Variants in MYPN observed in about 807,000 individuals in gnomAD.
MYPN encodes the protein sarcomeric protein myopalladin, 145 kDa (MYOP).
A neutral mutation model predicts 129.4 loss-of-function variants in MYPN; 63 were observed. The observed-to-expected ratio is 0.49, with a 90% CI of 0.40 to 0.60. MYPN has a LOEUF of 0.60. Ranked by LOEUF, MYPN falls within the 20% of genes least tolerant of loss-of-function variation. The pLI is 0.00. For synonymous variants in MYPN, 629 were observed against 600.9 expected (o/e 1.05, Z -0.68); for missense variants, 1,596 against 1,635.4 (o/e 0.98, Z 0.42).
chr10:68,187,379 A>C (rs551627723), intron 12 of MYPN, among the ~76,000 whole-genome samples: 1 of 152,176 alleles, frequency 6.6e-6, no homozygotes, highest in South Asian at 2.1e-4. Flanking sequence ...TATAGTATAC[A>C]ATAATTTTGC....
chr10:68,197,140 G>T (rs149742609), intron 15 of MYPN, among the ~76,000 whole-genome samples: 1 of 151,860 alleles, frequency 6.6e-6, no homozygotes, highest in Non-Finnish European at 1.5e-5. Flanking sequence ...TGCAGATCTC[G>T]CAAGACAATC....
chr10:68,172,663 T>C (rs899190826), intron 10 of MYPN, among the ~76,000 whole-genome samples: 1 of 152,218 alleles, frequency 6.6e-6, no homozygotes, highest in African/African-American at 2.4e-5. Flanking sequence ...TGCTTCCAGT[T>C]TGATCTTTCT....
At chr10:68,175,155 A>C (rs1001155995) in intron 11 of MYPN, among the ~76,000 whole-genome samples, 168 bp from the exon 12 acceptor site, 12 of 152,102 alleles carry the variant, frequency 7.9e-5, no homozygotes, top group African/African-American at 2.9e-4. Flanking sequence ...TTTAAATTAA[A>C]GTATCAAAAA....
chr10:68,135,445 C>T (rs2134038813), intron 2 of MYPN: 1 of 971,544 alleles, frequency 1.0e-6, no homozygotes, highest in South Asian at 4.8e-5. Context: ...ATCTTATTGT[C>T]CGATATATTC....
At chr10:68,191,498 G>A (rs1589604769) in intron 13 of MYPN, among the ~76,000 whole-genome samples, 1 of 152,180 alleles carries the variant, frequency 6.6e-6, no homozygotes. Context: ...GAATACAGGC[G>A]TGAGCCACCA....
chr10:68,190,646 TTTG>T (rs1309150384), intron 13 of MYPN, among the ~76,000 whole-genome samples: 2 of 152,256 alleles, frequency 1.3e-5, no homozygotes, highest in African/African-American at 4.8e-5. Flanking sequence ...GTCTCTTCAC[TTTG>T]TTAATTGTTT....
chr10:68,174,717 A>G lies in MYPN; in HGVS notation c.2564+61A>G, dbSNP rs1048071294. 1.0e-5 allele frequency: 15 copies of G among 1,461,650 alleles called. No homozygotes were observed. The African/African-American group carries it at 2.1e-4, about 20-fold the overall frequency. The allele number at this position is 1,461,650 out of a possible 1,614,324, so 90.5% of individuals were successfully genotyped here. On this transcript the variant is annotated intron_variant, in intron 11 of 19. Coordinates refer to ENST00000358913, the MANE Select transcript of MYPN (RefSeq NM_032578.4). ...AGTTAAGAGTCGATGTGCACATTGA[A>G]TAGCTTGATCTGAAACAGGGCTCTC...
chr10:68,136,627 A>G (rs914014713), intron 2 of MYPN: 19 of 1,531,732 alleles, frequency 1.2e-5, no homozygotes, highest in Middle Eastern at 1.7e-4. Flanking sequence ...TGGCCATCTG[A>G]GTAAGGACAA....
intron 3 of MYPN, 112 bp downstream of exon 3, chr10:68,143,227 T>C: frequency 1.9e-6 from 2 of 1,037,396 alleles, no homozygotes; most frequent in Non-Finnish European, 2.9e-6. Flanking sequence ...GCAATGAGGA[T>C]ACAGCAGTGA....
intron 2 of MYPN, among the ~76,000 whole-genome samples, chr10:68,138,067 G>T (rs2042514353): frequency 6.6e-6 from 1 of 151,372 alleles, no homozygotes. Context: ...CTTCATCAAG[G>T]ACATTTTTTG....
chr10:68,114,568 C>T (rs901746858), intron 1 of MYPN, among the ~76,000 whole-genome samples: 2 of 151,996 alleles, frequency 1.3e-5, no homozygotes, highest in East Asian at 1.9e-4. Context: ...AGGCTGGTCT[C>T]GAACACCTGA....
chr10:68,136,142 TAAAG>T, intron 2 of MYPN: 1 of 799,832 alleles, frequency 1.3e-6, no homozygotes. Flanking sequence ...AGAATGGTGA[TAAAG>T]AGCCAAAAGT....
At chr10:68,110,036 T>A (rs1465122936) in intron 1 of MYPN, among the ~76,000 whole-genome samples, 1 of 152,210 alleles carries the variant, frequency 6.6e-6, no homozygotes, top group Admixed American at 6.5e-5. Flanking sequence ...TAAAAGAATG[T>A]TGTTTATATA....
intron 18 of MYPN, among the ~76,000 whole-genome samples, chr10:68,203,367 T>C (rs1377948015): frequency 6.6e-6 from 1 of 152,022 alleles, no homozygotes; most frequent in African/African-American, 2.4e-5. Context: ...GGCAGGAGGA[T>C]TGCTTGAGAC....
intron 2 of MYPN, among the ~76,000 whole-genome samples, chr10:68,140,362 C>G (rs1249393394): frequency 6.6e-6 from 1 of 152,150 alleles, no homozygotes; most frequent in Non-Finnish European, 1.5e-5. Context: ...GTGGTAGGCA[C>G]TGTGGATGCT....
chr10:68,105,730 C>T (rs575058487), upstream of MYPN, among the ~76,000 whole-genome samples: 2 of 152,166 alleles, frequency 1.3e-5, no homozygotes, highest in East Asian at 1.9e-4. Flanking sequence ...ATTGTTTTTT[C>T]GTATTTACCT....
rs565591812 is a variant in MYPN at position 68,195,504 on chromosome 10, C to T, written c.3130C>T (p.Arg1044Trp). Residue 1044 changes from arginine (R) to tryptophan (W), a missense_variant, in exon 15 of 20, where the codon CGG becomes TGG. By Grantham distance (101) the Arg-to-Trp change is moderately radical. Coordinates refer to ENST00000358913, the MANE Select transcript of MYPN (RefSeq NM_032578.4). ...LMVQSLPIRS[R>W]LTSAGQSHRG... ...GGTACAAAGTTTGCCCATTCGCAGTCGGCTAACCTCTGCTGGTCAGTCTCA... is the reference window on the plus strand; with the variant it reads ...GGTACAAAGTTTGCCCATTCGCAGTTGGCTAACCTCTGCTGGTCAGTCTCA... The T allele has an allele frequency of 1.4e-5, 22 of 1,614,034 alleles. No homozygotes were observed. Among genetic ancestry groups the T allele is most frequent in the South Asian group, 1.2e-4 (11 of 91,074 alleles).
intron 2 of MYPN, among the ~76,000 whole-genome samples, chr10:68,131,167 T>A (rs1416758612): frequency 6.6e-6 from 1 of 152,152 alleles, no homozygotes; most frequent in Non-Finnish European, 1.5e-5. Context: ...GGCGGGCAGA[T>A]CACTTGAGGT....
chr10:68,093,827 T>C (rs1396785794), intron 1 of MYPN, among the ~76,000 whole-genome samples: 1 of 151,976 alleles, frequency 6.6e-6, no homozygotes, highest in Non-Finnish European at 1.5e-5. Flanking sequence ...AGACATAGAC[T>C]GAGTATACAT....
Sources: gnomAD v4.1 joint callset for allele counts (sites outside exome capture counted in the v4.1 genomes callset) on GRCh38, gnomAD v4.1.1 for gene constraint, MANE v1.5 for transcripts, NCBI Gene and HGNC (gene_info 2026-07-23, HGNC 2026-07-21) for gene names.